Variants in ZMYND8 observed in about 807,000 individuals in gnomAD.
ZMYND8 encodes zinc finger MYND-type containing 8.
A neutral mutation model predicts 140.8 loss-of-function variants in ZMYND8; 37 were observed. The ratio of observed to expected loss-of-function variants is 0.26; its 90% CI spans 0.20 to 0.35. ZMYND8 has a LOEUF of 0.35. Among genes scored for constraint, ZMYND8 ranks in the 10% least tolerant of loss-of-function variants. The pLI is 1.00. For synonymous variants in ZMYND8, 592 were observed against 597.1 expected, an observed-to-expected ratio of 0.99 and a Z score of 0.12; for missense variants, 1,068 against 1,570.0, an observed-to-expected ratio of 0.68 and a Z score of 5.40.
intron 7 of ZMYND8, among the ~76,000 whole-genome samples, chr20:47,289,017 G>A (rs1487497444): frequency 3.3e-5 from 5 of 152,116 alleles, no homozygotes; most frequent in African/African-American, 4.8e-5. Flanking sequence ...AACGAGAATC[G>A]CTTCAACCCA....
chr20:47,227,810 T>G (rs1233455934), intron 17 of ZMYND8, among the ~76,000 whole-genome samples: 1 of 152,188 alleles, frequency 6.6e-6, no homozygotes, highest in South Asian at 2.1e-4. Context: ...AACAGTGTTT[T>G]GGCCAGGTGC....
At chr20:47,356,344 A>AG in intron 1 of ZMYND8, 6 of 1,461,888 alleles carry the variant, frequency 4.1e-6, no homozygotes, top group Non-Finnish European at 5.4e-6. Context: ...AAAAAAAAAA[A>AG]AAGAAGGAAA....
chr20:47,337,783 T>C (rs1008370828), intron 2 of ZMYND8, among the ~76,000 whole-genome samples: 3 of 152,122 alleles, frequency 2.0e-5, no homozygotes, highest in Non-Finnish European at 4.4e-5. Flanking sequence ...AATGTCAACC[T>C]GACATCTTGA....
chr20:47,296,678 G>A (rs191136752), intron 4 of ZMYND8, among the ~76,000 whole-genome samples: 10 of 152,252 alleles, frequency 6.6e-5, no homozygotes, highest in African/African-American at 1.2e-4. Flanking sequence ...TTTGTTGGCC[G>A]GGCACAGTGG....
At position 47,298,453 on chromosome 20, in the gene ZMYND8, T is replaced by C. The variant is rs190378131; in HGVS notation, c.453+276A>G. ...GAGTTAACTTTCAAAAAGTTCATCATAGAAGATGCAGAGATGACGACTACA... is the reference window on the plus strand; with the variant it reads ...GAGTTAACTTTCAAAAAGTTCATCACAGAAGATGCAGAGATGACGACTACA... On this transcript the variant is annotated intron_variant, in intron 4 of 22. Coordinates refer to ENST00000471951, the MANE Select transcript of ZMYND8 (RefSeq NM_001281775.3). This position sits in a 1 kb window ranked among gnomAD's most constrained non-coding sequence, Gnocchi z 5.0. 18 of 985,396 alleles carry C rather than the reference T, an allele frequency of 1.8e-5. No individual in the cohort carries two copies. In the East Asian group the frequency reaches 4.5e-4, roughly 25 times the overall value. The allele number at this position is 985,396 out of a possible 1,614,324, so 61.0% of individuals were successfully genotyped here.
intron 12 of ZMYND8, among the ~76,000 whole-genome samples, chr20:47,255,669 T>TACC (rs2074568828): frequency 8.2e-6 from 1 of 122,380 alleles, no homozygotes; most frequent in African/African-American, 3.1e-5. Flanking sequence ...AGTATATGTA[T>TACC]ATGGTGTATG....
Position 47,221,492 on chromosome 20 carries a change from A to G in ZMYND8, c.3257-18T>C. The G allele has an allele frequency of 6.2e-7, 1 of 1,612,594 alleles. No individual in the cohort carries two copies. On this transcript the variant is annotated intron_variant, in intron 19 of 22. Transcript: ENST00000471951. ...AGCAGTAGCTGGGGACAAAGGAGAG[A>G]GAGAGACGCCACATATACACAGAGT... is the stretch of plus-strand genomic sequence containing the variant.
intron 7 of ZMYND8, among the ~76,000 whole-genome samples, chr20:47,289,528 C>A (rs1243325142): frequency 6.6e-6 from 1 of 152,034 alleles, no homozygotes; most frequent in Non-Finnish European, 1.5e-5. Context: ...GCAGCTTATT[C>A]CTAACAGCCC....
chr20:47,250,331 C>T (rs1230686007), intron 12 of ZMYND8, among the ~76,000 whole-genome samples: 7 of 152,162 alleles, frequency 4.6e-5, no homozygotes, highest in Non-Finnish European at 1.0e-4. Context: ...AAGCAACAAG[C>T]AACTCTGCAG....
At chr20:47,230,963 C>T (rs528782876) in intron 16 of ZMYND8, among the ~76,000 whole-genome samples, 14 of 152,188 alleles carry the variant, frequency 9.2e-5, no homozygotes, top group Non-Finnish European at 4.4e-5. Flanking sequence ...CTCTGTGACT[C>T]GCGCATCCGT....
At chr20:47,342,716 C>T (rs932247184) in intron 2 of ZMYND8, among the ~76,000 whole-genome samples, 1 of 151,510 alleles carries the variant, frequency 6.6e-6, no homozygotes, top group Non-Finnish European at 1.5e-5. Context: ...GGCATGGTGA[C>T]ATGTGCCTGT....
At chr20:47,338,411 A>C (rs1391929449) in intron 2 of ZMYND8, among the ~76,000 whole-genome samples, 1 of 151,640 alleles carries the variant, frequency 6.6e-6, no homozygotes, top group African/African-American at 2.4e-5. Context: ...AAACTTCCCA[A>C]GAAAAGCAGG....
At chr20:47,264,229 G>A (rs893085185) in intron 11 of ZMYND8, among the ~76,000 whole-genome samples, 4 of 152,192 alleles carry the variant, frequency 2.6e-5, no homozygotes, top group South Asian at 2.1e-4. Context: ...AATTGGCGCC[G>A]AGCAAGTGCT....
At chr20:47,242,576 G>A (rs1272880764) in intron 14 of ZMYND8, among the ~76,000 whole-genome samples, 1 of 152,170 alleles carries the variant, frequency 6.6e-6, no homozygotes, top group East Asian at 1.9e-4. Context: ...TATTGTTGAT[G>A]AGCTAGCCTG....
intron 9 of ZMYND8, among the ~76,000 whole-genome samples, chr20:47,282,526 A>G (rs1285928815): frequency 6.6e-6 from 1 of 152,068 alleles, no homozygotes; most frequent in Non-Finnish European, 1.5e-5. Flanking sequence ...GGAGTTCGAG[A>G]CCAGCCTGGC....
At chr20:47,270,697 GAA>G (rs34474269) in intron 11 of ZMYND8, among the ~76,000 whole-genome samples, 2,960 of 86,492 alleles carry the variant, frequency 0.034, 47 homozygotes, top group Non-Finnish European at 0.041. Flanking sequence ...CCCTGTCTCT[GAA>G]AAAAAAAAAA....
chr20:47,325,105 A>G (rs933027888), intron 2 of ZMYND8, among the ~76,000 whole-genome samples: 4 of 152,056 alleles, frequency 2.6e-5, no homozygotes, highest in African/African-American at 4.8e-5. Flanking sequence ...GGGTTTCACC[A>G]TGTTTGCCAG....
Position 47,300,934 on chromosome 20 carries a change from GTTT to G in ZMYND8, c.235-1990_235-1988del, listed in dbSNP as rs58404798. Among the ~76,000 whole-genome samples the G allele has an allele frequency of 2.3e-5, 3 of 128,810 alleles. No individual in the cohort carries two copies. The East Asian group carries it at 6.9e-4, about 30-fold the overall frequency. The allele number at this position is 128,810 out of a possible 152,430, so 84.5% of individuals were successfully genotyped here. A position where few individuals can be genotyped will look rare whatever the true frequency, so the allele number is the denominator to read the frequency against. On this transcript the variant is annotated intron_variant, in intron 3 of 22. Transcript: ENST00000471951. The stretch of plus-strand genomic sequence containing the variant: ...TGTGTGTGTGTGTGTGTGTGTGTGT[GTTT>G]TGTTTTGTTTTTTTTGTAGAGACAG...
chr20:47,236,294 C>T (rs1180868460), intron 16 of ZMYND8, 32 bp downstream of exon 16: 1 of 1,613,158 alleles, frequency 6.2e-7, no homozygotes, highest in Non-Finnish European at 8.5e-7. Flanking sequence ...CAGGTGTCTG[C>T]CATCTCCACG....
Sources: allele counts gnomAD v4.1 joint callset (sites outside exome capture counted in the v4.1 genomes callset), GRCh38; gene constraint gnomAD v4.1.1; non-coding constraint Gnocchi (gnomAD v3.1); transcripts MANE v1.5; gene names NCBI Gene and HGNC (gene_info 2026-07-23, HGNC 2026-07-21).